Variants in SLC43A2 observed in about 807,000 individuals in gnomAD.
SLC43A2 encodes the protein large neutral amino acids transporter small subunit 4.
Under a neutral mutation model 63.2 loss-of-function variants are expected in SLC43A2, and 38 were observed. That is an observed-to-expected ratio of 0.60 (90% CI 0.46 to 0.79). The LOEUF (loss-of-function observed/expected upper bound fraction) is 0.79, where lower values mean the gene tolerates loss of function less well. Ranked by LOEUF, SLC43A2 falls within the 30% of genes least tolerant of loss-of-function variation. The pLI is 0.00. For synonymous variants in SLC43A2, 322 were observed against 331.0 expected, an observed-to-expected ratio of 0.97 and a Z score of 0.30; for missense variants, 644 against 756.2, an observed-to-expected ratio of 0.85 and a Z score of 1.74.
intron 5 of SLC43A2, among the ~76,000 whole-genome samples, chr17:1,596,732 G>C (rs1905312788): frequency 6.6e-6 from 1 of 151,956 alleles, no homozygotes; most frequent in South Asian, 2.1e-4. Context: ...GCAGGTATGT[G>C]CCACCACGCC....
At position 1,577,447 on chromosome 17, in the gene SLC43A2, C is replaced by T. The variant is rs892027857; in HGVS notation, c.1425-727G>A. Reference sequence around the variant, plus strand: ...CCTCCCTCAGACCCTGCCAGGACAGCCACAGCTTCCTCCAGGCCTGGGGAG... The same window carrying T: ...CCTCCCTCAGACCCTGCCAGGACAGTCACAGCTTCCTCCAGGCCTGGGGAG... On this transcript the variant is annotated intron_variant, in intron 12 of 13. Coordinates refer to ENST00000301335, the MANE Select transcript of SLC43A2 (RefSeq NM_152346.3). The surrounding 1 kb of genome is among the most constrained non-coding windows in gnomAD (Gnocchi z 4.9). Among the ~76,000 whole-genome samples the T allele has an allele frequency of 8.5e-5, 13 of 152,208 alleles. No homozygotes were observed. Among genetic ancestry groups the T allele is most frequent in the African/African-American group, 2.7e-4 (11 of 41,452 alleles).
At position 1,583,503 on chromosome 17, in the gene SLC43A2, C is replaced by T; in HGVS notation, c.1218-167G>A. 8.4e-7 allele frequency: 1 copy of T among 1,188,944 alleles called. No individual in the cohort carries two copies. Among genetic ancestry groups the T allele is most frequent in the Non-Finnish European group, 1.1e-6 (1 of 877,638 alleles). 73.6% of individuals were successfully genotyped at this position (1,188,944 alleles called of 1,614,324 possible). On this transcript the variant is annotated intron_variant, in intron 10 of 13. Coordinates refer to ENST00000301335, the MANE Select transcript of SLC43A2 (RefSeq NM_152346.3). This position sits in a 1 kb window ranked among gnomAD's most constrained non-coding sequence, Gnocchi z 5.5. ...CGGGGCTGGACCAGCACTACGGACACTCCCCGGCCCTTCTCAGTGGCAAGC... is the reference window on the plus strand; with the variant it reads ...CGGGGCTGGACCAGCACTACGGACATTCCCCGGCCCTTCTCAGTGGCAAGC...
chr17:1,573,282 A>C lies in SLC43A2; in HGVS notation c.*2322T>G, dbSNP rs1255453765. 1 of 152,010 alleles carries C rather than the reference A, an allele frequency of 6.6e-6. No homozygotes were observed. The highest frequency in any genetic ancestry group is 6.6e-5 in the Admixed American group (1 of 15,266). 9.4% of individuals were successfully genotyped at this position (152,010 alleles called of 1,614,324 possible). On this transcript the variant is annotated 3_prime_UTR_variant, in exon 14 of 14. Transcript: ENST00000301335. ...ACTCCTGTGTGATGGCGGGTCTCAA[A>C]TGCTGGCAGCAGAGTCACCGGTCAG... is the stretch of plus-strand genomic sequence containing the variant.
chr17:1,586,928 T>TGGGGGG, intron 9 of SLC43A2: 6 of 1,232,894 alleles, frequency 4.9e-6, no homozygotes, highest in Non-Finnish European at 6.7e-6. Flanking sequence ...TCCCTGACAA[T>TGGGGGG]CCCCCCCACC....
In SLC43A2 at chr17:1,606,876, C is replaced by T. The variant is rs939481240; in HGVS notation, c.501+6319G>A. On this transcript the variant is annotated intron_variant, in intron 5 of 13. Transcript: ENST00000301335. This position sits in a 1 kb window ranked among gnomAD's most constrained non-coding sequence, Gnocchi z 4.7. Reference sequence around the variant, plus strand: ...TGGCTACTGGGCAGCCTACCTGACGCGACAGCCACCCTTGCCCCTCGGAGC... The same window carrying T: ...TGGCTACTGGGCAGCCTACCTGACGTGACAGCCACCCTTGCCCCTCGGAGC... Among the ~76,000 whole-genome samples the T allele has an allele frequency of 2.6e-5, 4 of 152,216 alleles. No individual in the cohort carries two copies. Among genetic ancestry groups the T allele is most frequent in the East Asian group, 3.8e-4 (2 of 5,196 alleles).
chr17:1,582,235 A>G (rs1019240464), intron 11 of SLC43A2, among the ~76,000 whole-genome samples: 4 of 152,110 alleles, frequency 2.6e-5, no homozygotes, highest in African/African-American at 9.7e-5. Context: ...GTGTGCCACC[A>G]TGCCCAGCTA....
At chr17:1,604,083 A>G (rs1409425651) in intron 5 of SLC43A2, among the ~76,000 whole-genome samples, 2 of 152,202 alleles carry the variant, frequency 1.3e-5, no homozygotes, top group African/African-American at 4.8e-5. Flanking sequence ...CTCTGTCGCC[A>G]AGGCTACAGT....
intron 5 of SLC43A2, chr17:1,604,707 C>A: frequency 6.5e-7 from 1 of 1,533,550 alleles, no homozygotes; most frequent in Non-Finnish European, 8.7e-7. Flanking sequence ...CCTTCTGAAG[C>A]TCCTTTTAGA....
chr17:1,576,867 T>G lies in SLC43A2; in HGVS notation c.1425-147A>C, dbSNP rs1441361788. 9 of 921,186 alleles carry G rather than the reference T, an allele frequency of 9.8e-6. No individual in the cohort carries two copies. In the East Asian group the frequency reaches 1.8e-4, roughly 18 times the overall value. The allele number at this position is 921,186 out of a possible 1,614,324, so 57.1% of individuals were successfully genotyped here. Reference sequence around the variant, plus strand: ...TCCTTCCTGCTGGGCAGTTCTGTTTTTTTTTTTTTTTTTTTAAGATGGAGT... The same window carrying G: ...TCCTTCCTGCTGGGCAGTTCTGTTTGTTTTTTTTTTTTTTTAAGATGGAGT... On this transcript the variant is annotated intron_variant, in intron 12 of 13. Transcript: ENST00000301335.
chr17:1,619,974 T>C (rs1365584846), intron 2 of SLC43A2, among the ~76,000 whole-genome samples: 1 of 152,150 alleles, frequency 6.6e-6, no homozygotes, highest in Non-Finnish European at 1.5e-5. Context: ...CAGCACTGCC[T>C]GAGTAAAGGC....
At position 1,605,040 on chromosome 17, in the gene SLC43A2, G is replaced by C; in HGVS notation, c.501+8155C>G. 1.4e-6 allele frequency: 2 copies of C among 1,416,384 alleles called. No homozygotes were observed. The highest frequency in any genetic ancestry group is 1.8e-6 in the Non-Finnish European group (2 of 1,086,862). The allele number at this position is 1,416,384 out of a possible 1,614,324, so 87.7% of individuals were successfully genotyped here. On this transcript the variant is annotated intron_variant, in intron 5 of 13. Transcript: ENST00000301335. The surrounding 1 kb of genome is among the most constrained non-coding windows in gnomAD (Gnocchi z 4.9). ...GGGGAAGGACCAGCTTTGCTGCCAA[G>C]CAGGAAGCCGGAGCTGTTTCCTGAC... is the stretch of plus-strand genomic sequence containing the variant.
chr17:1,619,519 C>T (rs932121339), intron 2 of SLC43A2, among the ~76,000 whole-genome samples: 2 of 152,202 alleles, frequency 1.3e-5, no homozygotes, highest in African/African-American at 2.4e-5. Context: ...AGAAGCTCTA[C>T]CACACGGTCA....
Position 1,604,938 on chromosome 17 carries a change from C to T in SLC43A2, c.501+8257G>A. 3 of 1,517,578 alleles carry T rather than the reference C, an allele frequency of 2.0e-6. No individual in the cohort carries two copies. In the South Asian group the frequency reaches 3.7e-5, roughly 19 times the overall value. The allele number at this position is 1,517,578 out of a possible 1,614,324, so 94.0% of individuals were successfully genotyped here. On this transcript the variant is annotated intron_variant, in intron 5 of 13. Transcript: ENST00000301335. ...ATAATGGCTGTTCGAAGCCGCGGTG[C>T]CGGAGTGAGGGCTGAGCGCTGAGCA...
intron 3 of SLC43A2, among the ~76,000 whole-genome samples, chr17:1,615,400 G>T (rs575156546): frequency 6.6e-6 from 1 of 151,910 alleles, no homozygotes; most frequent in Admixed American, 6.6e-5. Context: ...GTAAGCCACC[G>T]TGCCCAGCCC....
chr17:1,593,239 G>C lies in SLC43A2; in HGVS notation c.542C>G (p.Ala181Gly). The C allele has an allele frequency of 6.2e-7, 1 of 1,614,070 alleles. No homozygotes were observed. The change falls in exon 6 of 14, where the codon GCC (alanine) becomes GGC (glycine). Residue 181 changes from alanine to glycine, a missense_variant. Coordinates refer to ENST00000301335, the MANE Select transcript of SLC43A2 (RefSeq NM_152346.3). The surrounding 1 kb of genome is among the most constrained non-coding windows in gnomAD (Gnocchi z 5.3). Reference protein sequence around the residue: ...MFGDLRSTFIALMIGSYASSA... With the variant: ...MFGDLRSTFIGLMIGSYASSA... ...GGAGGCGTAGGACCCAATCATCAAG[G>C]CAATAAACGTGGACCGAAGGTCGCC...
rs569025338 is a variant in SLC43A2, at chr17:1,615,612, G to C, written c.369-578C>G. ...TAATCCCAGCACTTTGGGAGGCCGA[G>C]GCGGGCAGATCACAAGGTCAGGAGA... On this transcript the variant is annotated intron_variant, in intron 3 of 13. Coordinates refer to ENST00000301335, the MANE Select transcript of SLC43A2 (RefSeq NM_152346.3). Among the ~76,000 whole-genome samples, 14 of 150,460 alleles carry C rather than the reference G, an allele frequency of 9.3e-5. No homozygotes were observed. The East Asian group carries it at 9.9e-4, about 11-fold the overall frequency.
Position 1,593,261 on chromosome 17 carries a change from C to T in SLC43A2, c.520G>A (p.Asp174Asn), listed in dbSNP as rs900251552. Residue 174 changes from aspartate (D) to asparagine (N), a missense_variant, in exon 6 of 14, where the codon GAC (aspartate) becomes AAC (asparagine). This residue lies in a region of SLC43A2 where 528 missense variants were observed against 623.6 expected (regional missense o/e 0.85). Transcript: ENST00000301335. This position sits in a 1 kb window ranked among gnomAD's most constrained non-coding sequence, Gnocchi z 5.3. ...TSLTLPNMFG[D>N]LRSTFIALMI... Reference sequence around the variant, plus strand: ...AAGGCAATAAACGTGGACCGAAGGTCGCCGAACATGTTGGGCAGCTGAGAG... The same window carrying T: ...AAGGCAATAAACGTGGACCGAAGGTTGCCGAACATGTTGGGCAGCTGAGAG... 1.9e-6 allele frequency: 3 copies of T among 1,613,840 alleles called. No homozygotes were observed. Among genetic ancestry groups the T allele is most frequent in the East Asian group, 2.2e-5 (1 of 44,886 alleles).
intron 1 of SLC43A2, 142 bp from the exon 2 acceptor site, chr17:1,628,062 AC>A: frequency 2.4e-6 from 2 of 831,838 alleles, no homozygotes; most frequent in Non-Finnish European, 1.6e-6. Flanking sequence ...GAGGAAGCGA[AC>A]CCCAGCCCTG....
chr17:1,588,634 C>T (rs1189086285), intron 9 of SLC43A2, among the ~76,000 whole-genome samples: 4 of 144,922 alleles, frequency 2.8e-5, no homozygotes, highest in African/African-American at 1.0e-4. Context: ...GAGTCGGAGG[C>T]CGTGGTGAGC....
Sources: allele counts gnomAD v4.1 joint callset (sites outside exome capture counted in the v4.1 genomes callset), GRCh38; gene constraint gnomAD v4.1.1; regional missense constraint gnomAD v4.1.1; non-coding constraint Gnocchi (gnomAD v3.1); transcripts MANE v1.5; gene names NCBI Gene and HGNC (gene_info 2026-07-23, HGNC 2026-07-21).